Variants in SNTB1 observed in about 807,000 individuals in gnomAD.
SNTB1 encodes the protein syntrophin beta 1.
A neutral mutation model predicts 48.9 loss-of-function variants in SNTB1; 36 were observed. The observed-to-expected ratio is 0.74, with a 90% CI of 0.56 to 0.97. SNTB1 has a LOEUF of 0.97. SNTB1 is among the 50% of genes least tolerant of loss of function. The pLI is 0.00. For missense variants in SNTB1, 786 were observed against 703.4 expected, an observed-to-expected ratio of 1.12 and a Z score of -1.33; for synonymous variants, 299 against 294.6, an observed-to-expected ratio of 1.01 and a Z score of -0.15.
Position 120,720,011 on chromosome 8 carries a change from G to A in SNTB1, c.572-26103C>T, listed in dbSNP as rs764334268. On this transcript the variant is annotated intron_variant, in intron 1 of 6. Transcript: ENST00000517992. ...TACTTCCTTCCAGGATTAGAACACA[G>A]CTTCCAAATTCTCTTAAATGCCTGG... 1.4e-4 allele frequency among the ~76,000 whole-genome samples: 22 copies of A among 152,208 alleles called. 1 individual carries two copies. The highest frequency in any genetic ancestry group is 2.9e-4 in the Non-Finnish European group (20 of 68,036).
Position 120,580,731 on chromosome 8 carries a change from T to C in SNTB1, c.997-5506A>G, listed in dbSNP as rs112986576. Among the ~76,000 whole-genome samples, 240 of 152,322 alleles carry C rather than the reference T, an allele frequency of 1.6e-3. 2 individuals are homozygous for C. The highest frequency in any genetic ancestry group is 0.01 in the Middle Eastern group (3 of 294). On this transcript the variant is annotated intron_variant, in intron 3 of 6. Transcript: ENST00000517992. Reference sequence around the variant, plus strand: ...GTGTAATAATAATAATTAGCATTGATCAACTTCTAAATGCTTTACAAACAT... The same window carrying C: ...GTGTAATAATAATAATTAGCATTGACCAACTTCTAAATGCTTTACAAACAT...
At chr8:120,606,184 T>G (rs968461213) in intron 3 of SNTB1, among the ~76,000 whole-genome samples, 68 of 147,676 alleles carry the variant, frequency 4.6e-4, no homozygotes, top group African/African-American at 1.3e-3. Context: ...ATATATATAA[T>G]TATATATATC....
intron 1 of SNTB1, among the ~76,000 whole-genome samples, chr8:120,770,745 A>G (rs1458399648): frequency 6.6e-6 from 1 of 152,192 alleles, no homozygotes; most frequent in Non-Finnish European, 1.5e-5. Flanking sequence ...CCCAGGAAGC[A>G]GAGGTTGCAG....
intron 1 of SNTB1, among the ~76,000 whole-genome samples, chr8:120,782,385 C>T (rs551081835): frequency 3.3e-5 from 5 of 151,992 alleles, no homozygotes; most frequent in African/African-American, 4.8e-5. Flanking sequence ...AGCCTTCCCT[C>T]GAACATTTAG....
At chr8:120,719,048 G>A (rs958527395) in intron 1 of SNTB1, among the ~76,000 whole-genome samples, 1 of 152,214 alleles carries the variant, frequency 6.6e-6, no homozygotes, top group Non-Finnish European at 1.5e-5. Context: ...CAGAGGGACT[G>A]AATAGAGAAG....
intron 2 of SNTB1, among the ~76,000 whole-genome samples, chr8:120,665,262 G>C (rs1817656585): frequency 6.6e-6 from 1 of 152,024 alleles, no homozygotes; most frequent in South Asian, 2.1e-4. Flanking sequence ...GACCAGCCTG[G>C]CCAACATAGT....
At chr8:120,568,540 G>A (rs1815789638) in intron 4 of SNTB1, among the ~76,000 whole-genome samples, 1 of 152,210 alleles carries the variant, frequency 6.6e-6, no homozygotes, top group Admixed American at 6.5e-5. Context: ...GCATTCCAGT[G>A]AGTGTTTCAC....
intron 2 of SNTB1, chr8:120,637,183 C>A: frequency 3.0e-6 from 1 of 331,664 alleles, no homozygotes. Flanking sequence ...GAGAGCATGC[C>A]TAGGCAATGT....
At chr8:120,710,419 C>G (rs2129916052) in intron 1 of SNTB1, among the ~76,000 whole-genome samples, 1 of 152,322 alleles carries the variant, frequency 6.6e-6, no homozygotes, top group Non-Finnish European at 1.5e-5. Context: ...CCTGACCTCT[C>G]TAAGCCTCAC....
At chr8:120,751,677 C>T (rs1819217551) in intron 1 of SNTB1, among the ~76,000 whole-genome samples, 1 of 152,050 alleles carries the variant, frequency 6.6e-6, no homozygotes, top group African/African-American at 2.4e-5. Context: ...TCCTGACCAC[C>T]AGCTCCATCA....
At chr8:120,808,504 C>T (rs553733757) in intron 1 of SNTB1, among the ~76,000 whole-genome samples, 1 of 152,234 alleles carries the variant, frequency 6.6e-6, no homozygotes, top group South Asian at 2.1e-4. Context: ...TAGAACTGTC[C>T]TTGAGAAGGG....
intron 1 of SNTB1, among the ~76,000 whole-genome samples, chr8:120,703,097 T>C (rs1818331728): frequency 6.6e-6 from 1 of 152,118 alleles, no homozygotes; most frequent in Non-Finnish European, 1.5e-5. Flanking sequence ...GAACAACAAA[T>C]AGAATCTCCA....
At chr8:120,593,474 A>G (rs1816276422) in intron 3 of SNTB1, among the ~76,000 whole-genome samples, 1 of 152,230 alleles carries the variant, frequency 6.6e-6, no homozygotes, top group African/African-American at 2.4e-5. Context: ...TGGACAGTGA[A>G]TAAGGCTCAA....
chr8:120,566,329 CAAA>C lies in SNTB1; in HGVS notation c.1136+8754_1136+8756del, dbSNP rs71306894. Among the ~76,000 whole-genome samples, 161 of 78,280 alleles carry C rather than the reference CAAA, an allele frequency of 2.1e-3. 1 individual carries two copies. Among genetic ancestry groups the C allele is most frequent in the African/African-American group, 7.3e-3 (152 of 20,716 alleles). The allele number at this position is 78,280 out of a possible 152,430, so 51.4% of individuals were successfully genotyped here. On this transcript the variant is annotated intron_variant, in intron 4 of 6. Transcript: ENST00000517992. ...GGGCGACAAGAGCAAGACTCTGTCT[CAAA>C]AAAAAAAAAAAAAAAAAAAAAGGGT...
In SNTB1 at chr8:120,547,331, C is replaced by T. The variant is rs554014320; in HGVS notation, c.1333+1431G>A. Among the ~76,000 whole-genome samples the T allele has an allele frequency of 1.1e-4, 16 of 152,236 alleles. No individual in the cohort carries two copies. The East Asian group carries it at 1.7e-3, about 17-fold the overall frequency. Reference sequence around the variant, plus strand: ...GTTTTTCAGGATGGGTGAGGTGGCTCATGCCTGTAATCCCAGCACTTTGGG... The same window carrying T: ...GTTTTTCAGGATGGGTGAGGTGGCTTATGCCTGTAATCCCAGCACTTTGGG... On this transcript the variant is annotated intron_variant, in intron 5 of 6. Coordinates refer to ENST00000517992, the MANE Select transcript of SNTB1 (RefSeq NM_021021.4).
intron 1 of SNTB1, among the ~76,000 whole-genome samples, chr8:120,694,540 TATC>T (rs982907634): frequency 1.5e-4 from 23 of 151,410 alleles, no homozygotes; most frequent in African/African-American, 5.6e-4. Flanking sequence ...ATGATATATA[TATC>T]ATTAATTCTT....
At position 120,777,285 on chromosome 8, in the gene SNTB1, A is replaced by G. The variant is rs192550051; in HGVS notation, c.571+33988T>C. ...GAAAAATCCCAAGACCATGCATCAC[A>G]ATCTTGACACTACAAGTATCTGTTC... On this transcript the variant is annotated intron_variant, in intron 1 of 6. Transcript: ENST00000517992. Among the ~76,000 whole-genome samples the G allele has an allele frequency of 5.2e-3, 792 of 152,290 alleles. 8 individuals are homozygous for G. The highest frequency in any genetic ancestry group is 0.018 in the African/African-American group (768 of 41,558).
chr8:120,787,947 C>T (rs1819950846), intron 1 of SNTB1, among the ~76,000 whole-genome samples: 1 of 152,060 alleles, frequency 6.6e-6, no homozygotes. Context: ...TAAACTCAAC[C>T]TGAAAGAAAC....
chr8:120,655,049 T>C (rs1240382386), intron 2 of SNTB1: 4 of 451,486 alleles, frequency 8.9e-6, no homozygotes, highest in Non-Finnish European at 1.3e-5. Flanking sequence ...GAAAAATACT[T>C]CTCAACAGAC....
Sources: gnomAD v4.1 joint callset for allele counts (sites outside exome capture counted in the v4.1 genomes callset) on GRCh38, gnomAD v4.1.1 for gene constraint, MANE v1.5 for transcripts, NCBI Gene and HGNC (gene_info 2026-07-23, HGNC 2026-07-21) for gene names.